NIBAN3: variants seen among roughly 807,000 people sequenced by gnomAD.
The protein encoded by NIBAN3 is protein Niban 3.
A neutral mutation model predicts 76.4 loss-of-function variants in NIBAN3; 66 were observed. The ratio of observed to expected loss-of-function variants is 0.86; its 90% CI spans 0.71 to 1.06. The LOEUF (loss-of-function observed/expected upper bound fraction) is 1.06, where lower values mean the gene tolerates loss of function less well. Among genes scored for constraint, NIBAN3 ranks in the 50% least tolerant of loss-of-function variants. The pLI is 0.00. For missense variants in NIBAN3, 808 were observed against 810.7 expected (o/e 1.00, Z 0.04); for synonymous variants, 360 against 355.2 (o/e 1.01, Z -0.15).
chr19:17,525,829 G>A (rs867191689), upstream of NIBAN3, among the ~76,000 whole-genome samples: 5 of 152,158 alleles, frequency 3.3e-5, no homozygotes, highest in South Asian at 2.1e-4. Context: ...GCTGGGTGAC[G>A]TGGCTCACAC....
At chr19:17,549,390 G>T (rs1280326981) in intron 13 of NIBAN3, 54 bp from the exon 14 acceptor site, 22 of 1,234,322 alleles carry the variant, frequency 1.8e-5, no homozygotes, top group Non-Finnish European at 1.6e-5. Context: ...ATGCAGGGAA[G>T]CCCCTTGATG....
rs772616554 is a variant in NIBAN3, at chr19:17,532,215, G to T, written c.187-48G>T. The T allele has an allele frequency of 6.4e-6, 10 of 1,567,780 alleles. No individual in the cohort carries two copies. In the East Asian group the frequency reaches 2.0e-4, roughly 32 times the overall value. On this transcript the variant is annotated intron_variant, in intron 2 of 14. Coordinates refer to ENST00000599164, the MANE Select transcript of NIBAN3 (RefSeq NM_001321827.2). ...GGTGTCTGGGTGGTCGGGCCACAGG[G>T]ACATCAGCCCACAGCCCCCTGACAC... is the stretch of plus-strand genomic sequence containing the variant.
intron 7 of NIBAN3, 23 bp downstream of exon 7, chr19:17,539,474 G>C (rs1025283684): frequency 1.4e-6 from 2 of 1,460,720 alleles, no homozygotes; most frequent in African/African-American, 1.4e-5. Flanking sequence ...TCCGGATCCG[G>C]GATAGGGGGC....
chr19:17,540,273 A>G, intron 8 of NIBAN3, 119 bp from the exon 9 acceptor site: 1 of 649,054 alleles, frequency 1.5e-6, no homozygotes, highest in Non-Finnish European at 2.3e-6. Context: ...CATCATTACA[A>G]TGGGTAGAAG....
At chr19:17,531,372 C>CAA (rs1491339738) in intron 2 of NIBAN3, among the ~76,000 whole-genome samples, 2 of 138,112 alleles carry the variant, frequency 1.4e-5, no homozygotes, top group East Asian at 2.1e-4. Flanking sequence ...CACACACACA[C>CAA]AACCATTCAC....
Position 17,544,623 on chromosome 19 carries a change from A to G in NIBAN3, c.1554+992A>G, listed in dbSNP as rs75172642. The stretch of plus-strand genomic sequence containing the variant: ...TGTGCAAAGGCCCTGAGGCCTGACC[A>G]TGCCTGGTGTGTTGGAGGAACAGTG... On this transcript the variant is annotated intron_variant, in intron 12 of 14. Coordinates refer to ENST00000599164, the MANE Select transcript of NIBAN3 (RefSeq NM_001321827.2). Among the ~76,000 whole-genome samples the G allele has an allele frequency of 6.5e-3, 993 of 152,346 alleles. 6 individuals are homozygous for G. The highest frequency in any genetic ancestry group is 0.017 in the African/African-American group (723 of 41,584).
chr19:17,532,497 C>T, intron 3 of NIBAN3, 109 bp downstream of exon 3: 1 of 1,524,410 alleles, frequency 6.6e-7, no homozygotes, highest in Non-Finnish European at 9.1e-7. Context: ...CTCTATCAAT[C>T]ACCCAGGATG....
At chr19:17,551,571 C>A (rs1414747695) in intron 14 of NIBAN3, among the ~76,000 whole-genome samples, 5 of 151,904 alleles carry the variant, frequency 3.3e-5, no homozygotes, top group Non-Finnish European at 7.4e-5. Flanking sequence ...CCATGCCCAG[C>A]TAATTTTTGT....
In NIBAN3 at chr19:17,537,489, G is replaced by A; in HGVS notation, c.541G>A (p.Ala181Thr). The A allele has an allele frequency of 6.2e-7, 1 of 1,612,472 alleles. No homozygotes were observed. Among genetic ancestry groups the A allele is most frequent in the Non-Finnish European group, 8.5e-7 (1 of 1,179,970 alleles). The stretch of plus-strand genomic sequence containing the variant: ...CTGCTTCTCTGCAGCCACCAGGGAG[G>A]CACAGCATGCCTGGAGGCTGGCCCT... ...HLCFSAATRE[A>T]QHAWRLALQG... The change falls in exon 5 of 15, where the codon GCA becomes ACA. Residue 181 changes from alanine to threonine, a missense_variant. Physicochemically the swap from Ala to Thr is moderately conservative, Grantham distance 58. Transcript: ENST00000599164.
chr19:17,535,047 G>A (rs1309711695), intron 4 of NIBAN3, among the ~76,000 whole-genome samples: 1 of 152,202 alleles, frequency 6.6e-6, no homozygotes, highest in African/African-American at 2.4e-5. Context: ...ACACAAAAAT[G>A]TAGTCTGCTG....
At chr19:17,530,056 C>CAAA (rs201479668) in intron 1 of NIBAN3, among the ~76,000 whole-genome samples, 4 of 140,194 alleles carry the variant, frequency 2.9e-5, no homozygotes, top group African/African-American at 8.3e-5. Flanking sequence ...CACCCTGTCT[C>CAAA]AAAAAAAAGA....
chr19:17,549,619 T>A, intron 14 of NIBAN3, 92 bp downstream of exon 14: 1 of 1,007,066 alleles, frequency 9.9e-7, no homozygotes, highest in Non-Finnish European at 1.6e-6. Flanking sequence ...TTGTCATGAG[T>A]GTGGGTTCAT....
chr19:17,530,744 T>C lies in NIBAN3; in HGVS notation c.56-11T>C, dbSNP rs770528922. ...CAATTTGCTGGGTTCACTGTCCCCT[T>C]GTCCCTGCAGGTCAGGTGGACACCC... On this transcript the variant is annotated splice_polypyrimidine_tract_variant and intron_variant, in intron 1 of 14. Transcript: ENST00000599164. 1 of 1,601,662 alleles carries C rather than the reference T, an allele frequency of 6.2e-7. No homozygotes were observed. The highest frequency in any genetic ancestry group is 1.1e-5 in the South Asian group (1 of 90,376).
At chr19:17,534,267 C>T (rs1008602693) in intron 4 of NIBAN3, among the ~76,000 whole-genome samples, 3 of 152,180 alleles carry the variant, frequency 2.0e-5, no homozygotes, top group African/African-American at 7.2e-5. Flanking sequence ...ATAATCCCAC[C>T]ACTTTGGGAG....
upstream of NIBAN3, among the ~76,000 whole-genome samples, chr19:17,524,268 T>C (rs531983772): frequency 2.6e-5 from 4 of 151,908 alleles, no homozygotes; most frequent in South Asian, 4.2e-4. Context: ...TCCTTGCCCG[T>C]CTCATCATCT....
In NIBAN3 at chr19:17,551,824, C is replaced by T. The variant is rs1276175191; in HGVS notation, c.1789C>T (p.Pro597Ser). ...GGCTGAGCGGGAAGGAGGGGCTTGT[C>T]CCAGGCAGCCAGACTCTGGTGCCCA... ...TEAEREGGAC[P>S]RQPDSGAQIQ... is the part of the protein sequence containing the mutation. Residue 597 changes from proline (P) to serine (S), a missense_variant, in exon 15 of 15, where the codon CCC (proline) becomes TCC (serine). Physicochemically the swap from Pro to Ser is moderately conservative, Grantham distance 74. Coordinates refer to ENST00000599164, the MANE Select transcript of NIBAN3 (RefSeq NM_001321827.2). 2 of 780,318 alleles carry T rather than the reference C, an allele frequency of 2.6e-6. No homozygotes were observed. The highest frequency in any genetic ancestry group is 2.7e-5 in the South Asian group (2 of 74,596). 48.3% of individuals were successfully genotyped at this position (780,318 alleles called of 1,614,324 possible). A position where few individuals can be genotyped will look rare whatever the true frequency, so the allele number is the denominator to read the frequency against.
chr19:17,551,718 A>T (rs2076159410), intron 14 of NIBAN3, 68 bp from the exon 15 acceptor site: 2 of 670,094 alleles, frequency 3.0e-6, no homozygotes, highest in South Asian at 3.1e-5. Flanking sequence ...TGATTTTTTA[A>T]GCACTTATTA....
rs973994274 is a variant in NIBAN3 at position 17,533,778 on chromosome 19, C to A, written c.427+77C>A. ...ACATGTGGGGCCAGATCATTCTCTGCGGTGGGGGCGTCCCGTGTACAGCAG... is the reference window on the plus strand; with the variant it reads ...ACATGTGGGGCCAGATCATTCTCTGAGGTGGGGGCGTCCCGTGTACAGCAG... On this transcript the variant is annotated intron_variant, in intron 4 of 14. Transcript: ENST00000599164. 6 of 1,088,274 alleles carry A rather than the reference C, an allele frequency of 5.5e-6. No homozygotes were observed. The Admixed American group carries it at 7.1e-5, about 13-fold the overall frequency. The allele number at this position is 1,088,274 out of a possible 1,614,324, so 67.4% of individuals were successfully genotyped here.
chr19:17,525,369 G>T (rs2075595309), upstream of NIBAN3, among the ~76,000 whole-genome samples: 1 of 140,682 alleles, frequency 7.1e-6, no homozygotes, highest in South Asian at 2.3e-4. Flanking sequence ...ATTCATTCAT[G>T]CACACGTTTA....
Sources: allele counts gnomAD v4.1 joint callset (sites outside exome capture counted in the v4.1 genomes callset), GRCh38; gene constraint gnomAD v4.1.1; transcripts MANE v1.5; gene names NCBI Gene and HGNC (gene_info 2026-07-23, HGNC 2026-07-21).